TMCO4: variants seen among roughly 807,000 people sequenced by gnomAD.
TMCO4 encodes transmembrane and coiled-coil domain-containing protein 4.
A neutral mutation model predicts 64.7 loss-of-function variants in TMCO4; 58 were observed. The ratio of observed to expected loss-of-function variants is 0.90; its 90% CI spans 0.73 to 1.12. The LOEUF is 1.12. Ranked by LOEUF, TMCO4 falls within the 50% of genes most tolerant of loss-of-function variation. The pLI is 0.00. For missense variants in TMCO4, 780 were observed against 825.9 expected (o/e 0.94, Z 0.68); for synonymous variants, 325 against 346.1 (o/e 0.94, Z 0.68).
chr1:19,759,931 A>G (rs573080529), intron 6 of TMCO4, among the ~76,000 whole-genome samples: 2 of 152,228 alleles, frequency 1.3e-5, no homozygotes, highest in South Asian at 4.1e-4. Flanking sequence ...TGAGCTGACC[A>G]AAGTTCTCTC....
chr1:19,760,320 A>T (rs1014281092), intron 6 of TMCO4, among the ~76,000 whole-genome samples: 1 of 151,964 alleles, frequency 6.6e-6, no homozygotes, highest in African/African-American at 2.4e-5. Context: ...TGCCTGGAAC[A>T]CTCAGTTCCT....
chr1:19,795,783 C>T (rs2044277495), intron 2 of TMCO4, among the ~76,000 whole-genome samples: 1 of 152,200 alleles, frequency 6.6e-6, no homozygotes, highest in African/African-American at 2.4e-5. Flanking sequence ...GTGGTTTACA[C>T]CCTGGCCAAA....
intron 13 of TMCO4, among the ~76,000 whole-genome samples, chr1:19,720,543 A>T (rs1446674924): frequency 6.6e-6 from 1 of 152,110 alleles, no homozygotes; most frequent in Non-Finnish European, 1.5e-5. Context: ...TCTGGGTCCT[A>T]ATGTTTTATA....
chr1:19,682,638 C>CTCT lies in TMCO4; in HGVS notation c.*401_*402insAGA, dbSNP rs1553121688. On this transcript the variant is annotated 3_prime_UTR_variant, in exon 16 of 16. Coordinates refer to ENST00000294543, the MANE Select transcript of TMCO4 (RefSeq NM_181719.7). ...AGGCATGCACCTGGTTTTATTGAGG[C>CTCT]CAGGGGAGAGCTGGTGTGGGAGCCT... 24 of 717,462 alleles carry CTCT rather than the reference C, an allele frequency of 3.3e-5. No homozygotes were observed. Among genetic ancestry groups the CTCT allele is most frequent in the Non-Finnish European group, 6.0e-5 (23 of 385,096 alleles). 44.4% of individuals were successfully genotyped at this position (717,462 alleles called of 1,614,324 possible). A position where few individuals can be genotyped will look rare whatever the true frequency, so the allele number is the denominator to read the frequency against.
chr1:19,727,630 G>C (rs1434791534), intron 13 of TMCO4, among the ~76,000 whole-genome samples: 1 of 152,142 alleles, frequency 6.6e-6, no homozygotes, highest in Non-Finnish European at 1.5e-5. Flanking sequence ...CAACCAGGAG[G>C]GGCTGAAATA....
intron 6 of TMCO4, among the ~76,000 whole-genome samples, chr1:19,759,714 C>A (rs1019158650): frequency 1.3e-5 from 2 of 152,188 alleles, no homozygotes. Flanking sequence ...CTTAGAGAAG[C>A]CAGCGGCTCC....
intron 11 of TMCO4, among the ~76,000 whole-genome samples, chr1:19,740,451 G>T (rs1351895671): frequency 1.3e-5 from 2 of 152,158 alleles, no homozygotes; most frequent in Non-Finnish European, 2.9e-5. Flanking sequence ...TTGATCGGTG[G>T]ATGGTTGGCT....
At chr1:19,761,350 C>T (rs2042494049) in intron 6 of TMCO4, among the ~76,000 whole-genome samples, 1 of 152,222 alleles carries the variant, frequency 6.6e-6, no homozygotes, top group Non-Finnish European at 1.5e-5. Flanking sequence ...CCTTCTAAAT[C>T]AGCCCATGAT....
At chr1:19,798,423 C>T (rs908296618) in intron 1 of TMCO4, among the ~76,000 whole-genome samples, 2 of 152,178 alleles carry the variant, frequency 1.3e-5, no homozygotes, top group African/African-American at 4.8e-5. Context: ...ACAACCTAAT[C>T]GATGAACTCC....
intron 12 of TMCO4, among the ~76,000 whole-genome samples, chr1:19,739,173 C>T (rs12067228): frequency 6.6e-6 from 1 of 152,212 alleles, no homozygotes; most frequent in Non-Finnish European, 1.5e-5. Context: ...ATTTCTGGTA[C>T]TGCTTCTCAA....
chr1:19,735,832 TAGAC>T (rs1330268414), intron 13 of TMCO4, among the ~76,000 whole-genome samples: 1 of 152,186 alleles, frequency 6.6e-6, no homozygotes, highest in African/African-American at 2.4e-5. Flanking sequence ...GCCTGGCAGA[TAGAC>T]GGTTTGCTGC....
chr1:19,745,577 G>A lies in TMCO4; in HGVS notation c.832C>T (p.His278Tyr). 3 of 1,614,146 alleles carry A rather than the reference G, an allele frequency of 1.9e-6. No individual in the cohort carries two copies. Among genetic ancestry groups the A allele is most frequent in the Non-Finnish European group, 2.5e-6 (3 of 1,180,026 alleles). ...CACCCCGTGACGGCGATGGTGATGT[G>A]CAGCTGCCTGCCCTCCGTCAGAGGC... ...FLPLTEGRQL[H>Y]ITIAVTGWLA... is the part of the protein sequence containing the mutation. The change falls in exon 10 of 16, where the codon CAC (histidine) becomes TAC (tyrosine). Residue 278 changes from histidine (H) to tyrosine (Y), a missense_variant. His to Tyr is a moderately conservative substitution (Grantham distance 83). Coordinates refer to ENST00000294543, the MANE Select transcript of TMCO4 (RefSeq NM_181719.7).
chr1:19,784,628 T>A (rs752255375), intron 3 of TMCO4, among the ~76,000 whole-genome samples: 1 of 152,114 alleles, frequency 6.6e-6, no homozygotes, highest in East Asian at 1.9e-4. Context: ...ATTCTCTACA[T>A]AGTGGCCTCA....
At chr1:19,773,225 GGCCTCACC>G (rs1359980168) in intron 4 of TMCO4, among the ~76,000 whole-genome samples, 2 of 152,108 alleles carry the variant, frequency 1.3e-5, no homozygotes, top group Non-Finnish European at 2.9e-5. Flanking sequence ...ACTAAATCCC[GGCCTCACC>G]ACTGTTACGG....
intron 7 of TMCO4, among the ~76,000 whole-genome samples, chr1:19,748,477 C>T (rs143433559): frequency 6.6e-6 from 1 of 152,190 alleles, no homozygotes. Flanking sequence ...CCATCTCCCT[C>T]CTTGTGAACC....
At chr1:19,795,142 T>C (rs1419017074) in intron 2 of TMCO4, among the ~76,000 whole-genome samples, 2 of 151,882 alleles carry the variant, frequency 1.3e-5, no homozygotes, top group Admixed American at 1.3e-4. Context: ...GTAAATTTCA[T>C]GGTATGTGTA....
Position 19,705,357 on chromosome 1 carries a change from AG to A in TMCO4, c.1265-4473del, listed in dbSNP as rs553289638. ...TCCCAGCTACTCGGAAGGCTGAGGT[AG>A]GGGAATCGCTTGAACCCAGGAGGCG... is the stretch of plus-strand genomic sequence containing the variant. On this transcript the variant is annotated intron_variant, in intron 13 of 15. Coordinates refer to ENST00000294543, the MANE Select transcript of TMCO4 (RefSeq NM_181719.7). Among the ~76,000 whole-genome samples, 986 of 152,194 alleles carry A rather than the reference AG, an allele frequency of 6.5e-3. 6 individuals are homozygous for A. The highest frequency in any genetic ancestry group is 0.01 in the Non-Finnish European group (688 of 68,002).
chr1:19,745,625 C>T lies in TMCO4; in HGVS notation c.784G>A (p.Ala262Thr). 6.2e-7 allele frequency: 1 copy of T among 1,612,778 alleles called. No individual in the cohort carries two copies. The highest frequency in any genetic ancestry group is 1.1e-5 in the South Asian group (1 of 90,936). The change falls in exon 10 of 16, where the codon GCC becomes ACC. Residue 262 changes from alanine (A) to threonine (T), a missense_variant. Coordinates refer to ENST00000294543, the MANE Select transcript of TMCO4 (RefSeq NM_181719.7). ...GGCAGAAACGTGAACTCTTCAATGG[C>T]TCCCACTCGCTTCTTCATCTTGTAT... Reference protein sequence around the residue: ...TGYKMKKRVGAIEEFTFLPLT... With the variant: ...TGYKMKKRVGTIEEFTFLPLT...
At chr1:19,748,833 A>AAT (rs200073293) in intron 7 of TMCO4, among the ~76,000 whole-genome samples, 34,461 of 140,854 alleles carry the variant, frequency 0.24, 4,240 homozygotes, top group East Asian at 0.43. Flanking sequence ...CGAATGAATG[A>AAT]GTGAATGAAT....
Sources: gnomAD v4.1 joint callset for allele counts (sites outside exome capture counted in the v4.1 genomes callset) on GRCh38, gnomAD v4.1.1 for gene constraint, MANE v1.5 for transcripts, NCBI Gene and HGNC (gene_info 2026-07-23, HGNC 2026-07-21) for gene names.